ADGRV1: variants seen among roughly 807,000 people sequenced by gnomAD.
ADGRV1 encodes adhesion G protein-coupled receptor V1.
Under a neutral mutation model 596.2 loss-of-function variants are expected in ADGRV1, and 359 were observed. That is an observed-to-expected ratio of 0.60 (90% CI 0.55 to 0.66). The LOEUF (loss-of-function observed/expected upper bound fraction) is 0.66, where lower values mean the gene tolerates loss of function less well. ADGRV1 is among the 30% of genes least tolerant of loss of function. The pLI is 0.00. For missense variants in ADGRV1, 7,274 were observed against 7,575.6 expected, an observed-to-expected ratio of 0.96 and a Z score of 1.48; for synonymous variants, 2,681 against 2,679.2, an observed-to-expected ratio of 1.00 and a Z score of -0.02.
At chr5:90,615,236 A>G (rs1484773662) in intron 2 of ADGRV1, among the ~76,000 whole-genome samples, 5 of 151,986 alleles carry the variant, frequency 3.3e-5, no homozygotes, top group Admixed American at 2.0e-4. Context: ...TTTTAAAGAT[A>G]TAGACTGATC....
Position 90,712,495 on chromosome 5 carries a change from T to C in ADGRV1, c.9184+67T>C, listed in dbSNP as rs555505026. 16 of 1,154,642 alleles carry C rather than the reference T, an allele frequency of 1.4e-5. 1 individual carries two copies. The South Asian group carries it at 2.0e-4, about 14-fold the overall frequency. 71.5% of individuals were successfully genotyped at this position (1,154,642 alleles called of 1,614,324 possible). Reference sequence around the variant, plus strand: ...CTGGGTTCCTTAATATGGGGGAAGATGTAAAGGAATGAGAAAGTCTTGGTG... The same window carrying C: ...CTGGGTTCCTTAATATGGGGGAAGACGTAAAGGAATGAGAAAGTCTTGGTG... On this transcript the variant is annotated intron_variant, in intron 42 of 89. Transcript: ENST00000405460.
chr5:90,955,793 A>G (rs1211214218), intron 83 of ADGRV1, among the ~76,000 whole-genome samples: 1 of 152,310 alleles, frequency 6.6e-6, no homozygotes, highest in Non-Finnish European at 1.5e-5. Context: ...ATATACGTGT[A>G]TGTAGCAGGG....
chr5:90,643,149 G>A (rs976706139), intron 13 of ADGRV1, 108 bp downstream of exon 13: 1 of 1,010,080 alleles, frequency 9.9e-7, no homozygotes, highest in Non-Finnish European at 1.4e-6. Flanking sequence ...AAAGAGGTGG[G>A]CAAGAAAAGA....
chr5:90,720,922 G>A lies in ADGRV1; in HGVS notation c.9624-13G>A. The A allele has an allele frequency of 6.3e-7, 1 of 1,598,544 alleles. No individual in the cohort carries two copies. Among genetic ancestry groups the A allele is most frequent in the South Asian group, 1.1e-5 (1 of 88,062 alleles). ...ACTTTTTCTGCTTCCCTCAATCCATGTATTTCTTTCAGAGCCACCTCCATA... is the reference window on the plus strand; with the variant it reads ...ACTTTTTCTGCTTCCCTCAATCCATATATTTCTTTCAGAGCCACCTCCATA... On this transcript the variant is annotated splice_polypyrimidine_tract_variant and intron_variant, in intron 44 of 89. Coordinates refer to ENST00000405460, the MANE Select transcript of ADGRV1 (RefSeq NM_032119.4).
intron 10 of ADGRV1, among the ~76,000 whole-genome samples, chr5:90,637,349 T>G (rs1421112216): frequency 6.6e-6 from 1 of 152,196 alleles, no homozygotes; most frequent in Non-Finnish European, 1.5e-5. Flanking sequence ...ATTGTGATAG[T>G]AAGTTCATTT....
At position 90,653,828 on chromosome 5, in the gene ADGRV1, T is replaced by C. The variant is rs149459739; in HGVS notation, c.4254T>C (p.Tyr1418=). The C allele has an allele frequency of 6.7e-4, 1,085 of 1,613,138 alleles. 8 individuals are homozygous for C. The African/African-American group carries it at 0.012, about 18-fold the overall frequency. ...TYIAKTTVMK[Y]LEESVWLHLL... ...TTGCCAAGACAACAGTCATGAAATA[T>C]TTAGAAGAAAGTGTTTGGCTTCATC... Residue 1418 remains tyrosine (Y), a synonymous_variant, in exon 20 of 90, where the codon TAT becomes TAC. Coordinates refer to ENST00000405460, the MANE Select transcript of ADGRV1 (RefSeq NM_032119.4).
chr5:90,626,440 A>G (rs1323039481), intron 6 of ADGRV1: 1 of 152,210 alleles, frequency 6.6e-6, no homozygotes, highest in East Asian at 1.9e-4. Flanking sequence ...TTTATTTTTA[A>G]GATAAATAGC....
chr5:91,023,650 T>G (rs1219914066), intron 85 of ADGRV1, among the ~76,000 whole-genome samples: 1 of 152,074 alleles, frequency 6.6e-6, no homozygotes, highest in Non-Finnish European at 1.5e-5. Context: ...AAAAAGATCC[T>G]GGGCCACCCA....
At chr5:90,763,581 A>G in intron 59 of ADGRV1, 112 bp downstream of exon 59, 1 of 1,041,464 alleles carries the variant, frequency 9.6e-7, no homozygotes, top group Non-Finnish European at 1.4e-6. Flanking sequence ...ACATGGGTAT[A>G]TTGCATAATG....
intron 83 of ADGRV1, among the ~76,000 whole-genome samples, chr5:90,897,309 T>C (rs1341583058): frequency 6.6e-6 from 1 of 152,196 alleles, no homozygotes; most frequent in Non-Finnish European, 1.5e-5. Context: ...ATTTAAATGA[T>C]TCAACATTGA....
chr5:90,902,351 A>T (rs567012746), intron 83 of ADGRV1, among the ~76,000 whole-genome samples: 1 of 152,092 alleles, frequency 6.6e-6, no homozygotes, highest in Non-Finnish European at 1.5e-5. Context: ...CTGTTCTTTC[A>T]TCAAACTCTC....
chr5:90,954,336 C>T (rs776504815), intron 83 of ADGRV1, among the ~76,000 whole-genome samples: 9 of 151,888 alleles, frequency 5.9e-5, no homozygotes, highest in East Asian at 1.9e-4. Flanking sequence ...TTCTATTATA[C>T]GTTAGAAAAT....
chr5:91,105,330 T>A (rs1308932275), intron 87 of ADGRV1, among the ~76,000 whole-genome samples: 1 of 152,156 alleles, frequency 6.6e-6, no homozygotes, highest in African/African-American at 2.4e-5. Flanking sequence ...ATACACTGAT[T>A]TTCTTTCCTT....
Position 90,694,477 on chromosome 5 carries a change from G to A in ADGRV1, c.7721G>A (p.Gly2574Asp), listed in dbSNP as rs141015469. ...TCTACAGTTGTCATAGCACTAAATG[G>A]TGATGCCTTTGGAGTGTTTGTGATC... ...NISTVVIALN[G>D]DAFGVFVIYN... The change falls in exon 33 of 90, where the codon GGT becomes GAT. Residue 2574 changes from glycine to aspartate, a missense_variant. Transcript: ENST00000405460. The A allele has an allele frequency of 6.2e-7, 1 of 1,613,952 alleles. No homozygotes were observed. The highest frequency in any genetic ancestry group is 8.5e-7 in the Non-Finnish European group (1 of 1,179,838).
intron 89 of ADGRV1, among the ~76,000 whole-genome samples, chr5:91,160,384 G>A (rs1796842495): frequency 6.6e-6 from 1 of 152,122 alleles, no homozygotes; most frequent in Non-Finnish European, 1.5e-5. Flanking sequence ...AGAAAAAGAT[G>A]GAAGGGGTAT....
Position 91,153,255 on chromosome 5 carries a change from A to G in ADGRV1, c.18659A>G (p.Gln6220Arg). The G allele has an allele frequency of 1.2e-6, 2 of 1,608,768 alleles. No homozygotes were observed. The highest frequency in any genetic ancestry group is 1.7e-6 in the Non-Finnish European group (2 of 1,177,558). The part of the protein sequence containing the change: ...PPDWERASFQ[Q>R]GSQASPDLKP... ...GACTGGGAGAGAGCATCCTTCCAACAGGGCAGTCAGGCCAGCCCTGATTTA... is the reference window on the plus strand; with the variant it reads ...GACTGGGAGAGAGCATCCTTCCAACGGGGCAGTCAGGCCAGCCCTGATTTA... Residue 6220 changes from glutamine to arginine, a missense_variant, in exon 89 of 90, where the codon CAG (glutamine) becomes CGG (arginine). By Grantham distance (43) the Gln-to-Arg change is conservative. Coordinates refer to ENST00000405460, the MANE Select transcript of ADGRV1 (RefSeq NM_032119.4).
At chr5:90,681,878 C>T (rs1399042656) in intron 27 of ADGRV1, among the ~76,000 whole-genome samples, 3 of 121,936 alleles carry the variant, frequency 2.5e-5, no homozygotes, top group Non-Finnish European at 4.9e-5. Flanking sequence ...TTCTTTCTTT[C>T]TTTTTTCGAG....
chr5:90,656,440 C>T lies in ADGRV1; in HGVS notation c.4379-1465C>T, dbSNP rs191790373. 3.7e-3 allele frequency among the ~76,000 whole-genome samples: 556 copies of T among 152,272 alleles called. 2 individuals are homozygous for T. The highest frequency in any genetic ancestry group is 6.0e-3 in the Non-Finnish European group (410 of 68,018). ...AAGGAGATGTGATCATTTCTATATC[C>T]TTGACTCCAGATAGCATCCTAACAG... On this transcript the variant is annotated intron_variant, in intron 20 of 89. Transcript: ENST00000405460.
chr5:90,750,485 A>G, intron 52 of ADGRV1, 66 bp from the exon 53 acceptor site: 3 of 1,385,150 alleles, frequency 2.2e-6, no homozygotes, highest in Non-Finnish European at 3.0e-6. Context: ...ATAACATGAG[A>G]CAAAAAAAGA....
Sources: gnomAD v4.1 joint callset for allele counts (sites outside exome capture counted in the v4.1 genomes callset) on GRCh38, gnomAD v4.1.1 for gene constraint, MANE v1.5 for transcripts, NCBI Gene and HGNC (gene_info 2026-07-23, HGNC 2026-07-21) for gene names.